The following PDE4D variants were observed in gnomAD, a reference collection of about 807,000 sequenced individuals.
PDE4D encodes the protein phosphodiesterase 4D, also known as 3',5'-cyclic-AMP phosphodiesterase 4D.
Under a neutral mutation model 87.4 loss-of-function variants are expected in PDE4D, and 24 were observed. The observed-to-expected ratio is 0.27, with a 90% CI of 0.20 to 0.39. The LOEUF (loss-of-function observed/expected upper bound fraction) is 0.39, where lower values mean the gene tolerates loss of function less well. Among genes scored for constraint, PDE4D ranks in the 10% least tolerant of loss-of-function variants. The pLI, the probability that PDE4D is intolerant of heterozygous loss-of-function variation, is 1.00. For synonymous variants in PDE4D, 384 were observed against 383.2 expected (o/e 1.00, Z -0.02); for missense variants, 714 against 1,041.0 (o/e 0.69, Z 4.32).
chr5:60,068,006 T>C (rs1339847968), intron 2 of PDE4D, among the ~76,000 whole-genome samples: 1 of 152,192 alleles, frequency 6.6e-6, no homozygotes, highest in Non-Finnish European at 1.5e-5. Flanking sequence ...ATCTTAACTA[T>C]TGTGAATAAT....
At chr5:59,682,041 G>C (rs1749112531) in intron 1 of PDE4D, among the ~76,000 whole-genome samples, 1 of 151,934 alleles carries the variant, frequency 6.6e-6, no homozygotes, top group Non-Finnish European at 1.5e-5. Context: ...TCAGCCTCCA[G>C]AACCATGAGC....
chr5:59,201,325 A>T (rs560935012), intron 2 of PDE4D, among the ~76,000 whole-genome samples: 1 of 152,160 alleles, frequency 6.6e-6, no homozygotes, highest in Non-Finnish European at 1.5e-5. Context: ...AATTAAAATC[A>T]TGAAACTCTA....
intron 1 of PDE4D, among the ~76,000 whole-genome samples, chr5:60,520,350 C>G (rs3846458): frequency 0.086 from 13,088 of 152,220 alleles, 1,623 homozygotes; most frequent in African/African-American, 0.27. Context: ...ACACCTGGAC[C>G]ATATTCAAGC....
chr5:60,028,123 A>T (rs996298780), intron 2 of PDE4D, among the ~76,000 whole-genome samples: 1 of 152,106 alleles, frequency 6.6e-6, no homozygotes, highest in Non-Finnish European at 1.5e-5. Context: ...TATTTGCCCA[A>T]ATACATCACT....
At chr5:60,328,293 G>A (rs1756988413) in intron 1 of PDE4D, among the ~76,000 whole-genome samples, 1 of 152,246 alleles carries the variant, frequency 6.6e-6, no homozygotes, top group East Asian at 1.9e-4. Context: ...ACCTTTCTGA[G>A]AAGAGTCCAT....
At chr5:59,585,196 A>C (rs1243371387) in intron 1 of PDE4D, among the ~76,000 whole-genome samples, 15 of 152,306 alleles carry the variant, frequency 9.8e-5, no homozygotes, top group African/African-American at 3.6e-4. Context: ...TTAGAAAATA[A>C]GCACCTGCCT....
intron 5 of PDE4D, among the ~76,000 whole-genome samples, chr5:59,149,538 C>T (rs1192275712): frequency 6.6e-6 from 1 of 151,932 alleles, no homozygotes; most frequent in African/African-American, 2.4e-5. Context: ...GGACAAACAG[C>T]GGTTGTAAAG....
chr5:59,466,030 A>G (rs1055900938), intron 1 of PDE4D, among the ~76,000 whole-genome samples: 1 of 152,164 alleles, frequency 6.6e-6, no homozygotes, highest in Non-Finnish European at 1.5e-5. Context: ...AATGACATTT[A>G]CATATAATTT....
chr5:60,182,160 G>A (rs1784423854), intron 2 of PDE4D, among the ~76,000 whole-genome samples: 1 of 152,156 alleles, frequency 6.6e-6, no homozygotes, highest in Non-Finnish European at 1.5e-5. Flanking sequence ...ACTAAGAATA[G>A]TGAAGAAAGG....
At chr5:59,213,868 A>G (rs1263320496) in intron 2 of PDE4D, among the ~76,000 whole-genome samples, 1 of 152,072 alleles carries the variant, frequency 6.6e-6, no homozygotes, top group African/African-American at 2.4e-5. Flanking sequence ...TATCATGTAC[A>G]AACCAATTCA....
At chr5:59,193,404 G>T (rs1744753535) in intron 3 of PDE4D, 96 bp downstream of exon 3, 1 of 1,121,842 alleles carries the variant, frequency 8.9e-7, no homozygotes, top group South Asian at 1.4e-5. Context: ...ACTTGTGCTT[G>T]ATTTAAAATT....
At chr5:59,233,103 T>C (rs1322242049) in intron 1 of PDE4D, among the ~76,000 whole-genome samples, 3 of 152,152 alleles carry the variant, frequency 2.0e-5, no homozygotes, top group African/African-American at 4.8e-5. Flanking sequence ...CAATGTGTGA[T>C]AGCAGAATAG....
chr5:59,348,378 G>A (rs1779949788), intron 1 of PDE4D, among the ~76,000 whole-genome samples: 1 of 152,060 alleles, frequency 6.6e-6, no homozygotes, highest in African/African-American at 2.4e-5. Context: ...TCTGCTGTTT[G>A]AAATGGGCAG....
In PDE4D at chr5:58,973,885, A is replaced by T. The variant is rs1342231369; in HGVS notation, c.*779T>A. 1 of 152,678 alleles carries T rather than the reference A, an allele frequency of 6.5e-6. No homozygotes were observed. The highest frequency in any genetic ancestry group is 2.4e-5 in the African/African-American group (1 of 41,482). 9.5% of individuals were successfully genotyped at this position (152,678 alleles called of 1,614,324 possible). ...TATAAAACAAACAATGAATCACTACAAATCAGTTAATTGCTATGAACTATA... is the reference window on the plus strand; with the variant it reads ...TATAAAACAAACAATGAATCACTACTAATCAGTTAATTGCTATGAACTATA... On this transcript the variant is annotated 3_prime_UTR_variant, in exon 15 of 15. Transcript: ENST00000340635.
rs562999378 is a variant in PDE4D at position 59,183,961 on chromosome 5, C to T, written c.758+1228G>A. 3.9e-5 allele frequency among the ~76,000 whole-genome samples: 6 copies of T among 152,224 alleles called. No homozygotes were observed. In the East Asian group the frequency reaches 9.7e-4, roughly 25 times the overall value. ...CAGGCAACAGGAGCACAGAGAGCTA[C>T]GTGCTAACATAGGAATCAAGTACAA... On this transcript the variant is annotated intron_variant, in intron 4 of 14. Transcript: ENST00000340635.
At chr5:59,379,910 G>A (rs1412615154) in intron 1 of PDE4D, among the ~76,000 whole-genome samples, 1 of 152,080 alleles carries the variant, frequency 6.6e-6, no homozygotes, top group East Asian at 1.9e-4. Flanking sequence ...GCTGAGGTTT[G>A]GGGCAGTGCT....
At chr5:59,232,723 C>A (rs1755499738) in intron 1 of PDE4D, among the ~76,000 whole-genome samples, 1 of 151,836 alleles carries the variant, frequency 6.6e-6, no homozygotes, top group African/African-American at 2.4e-5. Context: ...ATACCTGAAC[C>A]CCTATGTTTA....
At chr5:59,818,498 A>G (rs1205484228) in intron 1 of PDE4D, among the ~76,000 whole-genome samples, 1 of 152,250 alleles carries the variant, frequency 6.6e-6, no homozygotes, top group Non-Finnish European at 1.5e-5. Context: ...GCAGAACATT[A>G]TAAAAGAAAT....
chr5:60,420,674 T>C (rs1383236881), intron 1 of PDE4D, among the ~76,000 whole-genome samples: 1 of 152,228 alleles, frequency 6.6e-6, no homozygotes, highest in Non-Finnish European at 1.5e-5. Context: ...ACTGAGGTAC[T>C]TGGTTCATCT....
Sources: allele counts gnomAD v4.1 joint callset (sites outside exome capture counted in the v4.1 genomes callset), GRCh38; gene constraint gnomAD v4.1.1; transcripts MANE v1.5; gene names NCBI Gene and HGNC (gene_info 2026-07-23, HGNC 2026-07-21).